The following CD163L1 variants were observed in gnomAD, a reference collection of about 807,000 sequenced individuals.
CD163L1 encodes scavenger receptor cysteine-rich type 1 protein M160.
Under a neutral mutation model 165.4 loss-of-function variants are expected in CD163L1, and 124 were observed. The ratio of observed to expected loss-of-function variants is 0.75; its 90% CI spans 0.65 to 0.87. CD163L1 has a LOEUF of 0.87. Among genes scored for constraint, CD163L1 ranks in the 40% least tolerant of loss-of-function variants. CD163L1 has a pLI of 0.00. For missense variants in CD163L1, 1,525 were observed against 1,799.9 expected, an observed-to-expected ratio of 0.85 and a Z score of 2.76; for synonymous variants, 585 against 662.2, an observed-to-expected ratio of 0.88 and a Z score of 1.79.
At chr12:7,355,162 C>T (rs765309030) in intron 19 of CD163L1, 32 bp from the exon 20 acceptor site, 20 of 152,206 alleles carry the variant, frequency 1.3e-4, no homozygotes, top group Admixed American at 1.3e-3. Flanking sequence ...CAACAAGTTA[C>T]TATTCTTCTA....
chr12:7,418,338 G>A (rs1012085123), intron 4 of CD163L1, among the ~76,000 whole-genome samples: 2 of 151,982 alleles, frequency 1.3e-5, no homozygotes, highest in African/African-American at 4.8e-5. Context: ...TGAACTGAAT[G>A]ATAATAGTCA....
chr12:7,352,106 A>G (rs1016491437), downstream of CD163L1, among the ~76,000 whole-genome samples: 1 of 152,136 alleles, frequency 6.6e-6, no homozygotes, highest in African/African-American at 2.4e-5. Context: ...TTAGCAATTG[A>G]TGGTATATGA....
chr12:7,364,435 C>A (rs1388640996), intron 18 of CD163L1, among the ~76,000 whole-genome samples: 2 of 152,026 alleles, frequency 1.3e-5, no homozygotes, highest in Non-Finnish European at 2.9e-5. Context: ...GAAGTCCCAG[C>A]CAGAGCAATT....
Position 7,375,293 on chromosome 12 carries a change from C to G in CD163L1, c.2989G>C (p.Val997Leu). 6.2e-7 allele frequency: 1 copy of G among 1,614,042 alleles called. No individual in the cohort carries two copies. The highest frequency in any genetic ancestry group is 8.5e-7 in the Non-Finnish European group (1 of 1,179,974). The change falls in exon 11 of 20, where the codon GTG becomes CTG. Residue 997 changes from valine to leucine, a missense_variant. Transcript: ENST00000313599. ...ACTATTCTCTTACCTGTGCAGATCA[C>G]AGAGACAGTATTTCCATGGATACAG... ...PPCIHGNTVS[V>L]ICTGSLTQPL...
rs200548297 is a variant in CD163L1 at position 7,374,498 on chromosome 12, C to T, written c.3353G>A (p.Arg1118His). 127 of 1,614,170 alleles carry T rather than the reference C, an allele frequency of 7.9e-5. No homozygotes were observed. The highest frequency in any genetic ancestry group is 3.3e-4 in the Middle Eastern group (2 of 6,062). The change falls in exon 13 of 20, where the codon CGC becomes CAC. Residue 1118 changes from arginine to histidine, a missense_variant. Arg to His is a conservative substitution (Grantham distance 29). Coordinates refer to ENST00000313599, the MANE Select transcript of CD163L1 (RefSeq NM_174941.6). This position sits in a 1 kb window ranked among gnomAD's most constrained non-coding sequence, Gnocchi z 5.4. ...MESHLWQCPS[R>H]GWGQHDCRHK... ...CCTGCAGTCGTGCTGCCCCCAGCCG[C>T]GGGAAGGGCACTGCCACAAGTGGGA...
chr12:7,333,637 G>A, the CD163L1 span, among the ~76,000 whole-genome samples: 1 of 152,126 alleles, frequency 6.6e-6, no homozygotes, highest in African/African-American at 2.4e-5. Flanking sequence ...AAATAACTAA[G>A]ATCAGAGCAG....
At chr12:7,330,248 T>C in the CD163L1 span, among the ~76,000 whole-genome samples, 475 of 152,322 alleles carry the variant, frequency 3.1e-3, 6 homozygotes, top group South Asian at 0.028. Context: ...AGGCTAAAAA[T>C]ATATTCCTAT....
At position 7,368,967 on chromosome 12, in the gene CD163L1, T is replaced by TGAGAGAGA. The variant is rs59576617; in HGVS notation, c.4040-10_4040-3dup. 11 of 1,543,192 alleles carry TGAGAGAGA rather than the reference T, an allele frequency of 7.1e-6. No homozygotes were observed. Among genetic ancestry groups the TGAGAGAGA allele is most frequent in the African/African-American group, 4.1e-5 (3 of 72,876 alleles). On this transcript the variant is annotated splice_region_variant and splice_polypyrimidine_tract_variant and intron_variant, in intron 15 of 19. Transcript: ENST00000313599. This position sits in a 1 kb window ranked among gnomAD's most constrained non-coding sequence, Gnocchi z 4.3. ...CATTCAGTGATTTCAGCGACTGTCC[T>TGAGAGAGA]GAGAGAGAGAGAGAGAGAGAGAGAC... is the stretch of plus-strand genomic sequence containing the variant.
At chr12:7,334,341 A>C in the CD163L1 span, among the ~76,000 whole-genome samples, 382 of 152,258 alleles carry the variant, frequency 2.5e-3, no homozygotes, top group African/African-American at 8.1e-3. Flanking sequence ...TCAACATACG[A>C]AAATCAATAA....
chr12:7,416,373 T>C (rs1020845936), intron 4 of CD163L1, among the ~76,000 whole-genome samples: 7 of 152,336 alleles, frequency 4.6e-5, no homozygotes, highest in Middle Eastern at 3.4e-3. Context: ...AGGTTGACTA[T>C]TCACTCTGAT....
Position 7,347,518 on chromosome 12 carries a change from G to A in CD163L1, c.*25-371C>T, listed in dbSNP as rs1213190866. 6.6e-6 allele frequency among the ~76,000 whole-genome samples: 1 copy of A among 152,114 alleles called. No individual in the cohort carries two copies. The highest frequency in any genetic ancestry group is 1.5e-5 in the Non-Finnish European group (1 of 68,036). ...GTCTCGGCCGGGCGCGGTGGCTCAC[G>A]CTTGTAATCCCAGCACTTTGGGAGG... On this transcript the variant is annotated intron_variant, in intron 4 of 4. Transcript: ENST00000539726. The surrounding 1 kb of genome is among the most constrained non-coding windows in gnomAD (Gnocchi z 4.2).
Position 7,406,605 on chromosome 12 carries a change from A to G in CD163L1, c.1014T>C (p.Leu338=). ...CGGTTCCGGAATGTCTGCAGTCCCA[A>G]AGAAAAGATTCATTACCGGAGCAGG... is the stretch of plus-strand genomic sequence containing the variant. The part of the protein sequence containing the change: ...GVSCSGNESF[L]WDCRHSGTVN... Residue 338 remains leucine (L), a synonymous_variant, in exon 5 of 20, where the codon CTT becomes CTC. Coordinates refer to ENST00000313599, the MANE Select transcript of CD163L1 (RefSeq NM_174941.6). 6.2e-7 allele frequency: 1 copy of G among 1,614,092 alleles called. No individual in the cohort carries two copies.
At position 7,396,856 on chromosome 12, in the gene CD163L1, C is replaced by G. The variant is rs28441252; in HGVS notation, c.1730-441G>C. Among the ~76,000 whole-genome samples, 1,168 of 116,990 alleles carry G rather than the reference C, an allele frequency of 1.0e-2. 8 individuals carry two copies. The highest frequency in any genetic ancestry group is 0.027 in the African/African-American group (986 of 36,746). 76.7% of individuals were successfully genotyped at this position (116,990 alleles called of 152,430 possible). A position where few individuals can be genotyped will look rare whatever the true frequency, so the allele number is the denominator to read the frequency against. ...ACATACATACATATGCACACACACACAGAGAGAGAGAGAGAGAAGAGAGGC... is the reference window on the plus strand; with the variant it reads ...ACATACATACATATGCACACACACAGAGAGAGAGAGAGAGAGAAGAGAGGC... On this transcript the variant is annotated intron_variant, in intron 7 of 19. Transcript: ENST00000313599.
Position 7,374,736 on chromosome 12 carries a change from C to G in CD163L1, c.3115G>C (p.Val1039Leu). 1 of 1,613,700 alleles carries G rather than the reference C, an allele frequency of 6.2e-7. No homozygotes were observed. Among genetic ancestry groups the G allele is most frequent in the Non-Finnish European group, 8.5e-7 (1 of 1,179,724 alleles). The change falls in exon 13 of 20, where the codon GTG becomes CTG. Residue 1039 changes from valine (V) to leucine (L), a missense_variant. Coordinates refer to ENST00000313599, the MANE Select transcript of CD163L1 (RefSeq NM_174941.6). This position sits in a 1 kb window ranked among gnomAD's most constrained non-coding sequence, Gnocchi z 5.4. Reference sequence around the variant, plus strand: ...CCGGCACAGCGGCTGTCCCCATCCACTAGGCGGAGCCGTTTGTCCTCTTAG... The same window carrying G: ...CCGGCACAGCGGCTGTCCCCATCCAGTAGGCGGAGCCGTTTGTCCTCTTAG... Reference protein sequence around the residue: ...ICLEDKRLRLVDGDSRCAGRV... With the variant: ...ICLEDKRLRLLDGDSRCAGRV...
chr12:7,398,537 A>C lies in CD163L1; in HGVS notation c.1456T>G (p.Tyr486Asp). The change falls in exon 7 of 20, where the codon TAT becomes GAT. Residue 486 changes from tyrosine (Y) to aspartate (D), a missense_variant. Physicochemically the swap from Tyr to Asp is radical, Grantham distance 160. Coordinates refer to ENST00000313599, the MANE Select transcript of CD163L1 (RefSeq NM_174941.6). The surrounding 1 kb of genome is among the most constrained non-coding windows in gnomAD (Gnocchi z 4.5). ...LRLVGAHSPCYGRLEVKYQGE... is the reference protein window; with the variant it reads ...LRLVGAHSPCDGRLEVKYQGE... ...TGGTATTTCACCTCCAATCTCCCAT[A>C]ACAGGGGCTATGAGCCCCGACAAGC... The C allele has an allele frequency of 6.2e-7, 1 of 1,610,094 alleles. No individual in the cohort carries two copies. Among genetic ancestry groups the C allele is most frequent in the Non-Finnish European group, 8.5e-7 (1 of 1,177,920 alleles).
chr12:7,374,826 C>T lies in CD163L1; in HGVS notation c.3094+5G>A. 6.2e-7 allele frequency: 1 copy of T among 1,614,182 alleles called. No homozygotes were observed. ...GCAGTGTTTCCTAAAACTGATTCTG[C>T]TTACCTAAGCAGATCAAAGCACTGC... On this transcript the variant is annotated splice_donor_5th_base_variant and intron_variant, in intron 12 of 19. Coordinates refer to ENST00000313599, the MANE Select transcript of CD163L1 (RefSeq NM_174941.6). This position sits in a 1 kb window ranked among gnomAD's most constrained non-coding sequence, Gnocchi z 5.4.
chr12:7,366,720 T>C (rs1203191823), intron 18 of CD163L1, among the ~76,000 whole-genome samples: 2 of 152,180 alleles, frequency 1.3e-5, no homozygotes, highest in African/African-American at 4.8e-5. Flanking sequence ...TGGTGTTCAT[T>C]GTATTGTCAC....
At chr12:7,376,408 T>A (rs559949976) in intron 9 of CD163L1, among the ~76,000 whole-genome samples, 2 of 152,194 alleles carry the variant, frequency 1.3e-5, no homozygotes, top group South Asian at 4.1e-4. Flanking sequence ...TCTAAATGAG[T>A]AATTTATAAA....
At chr12:7,365,072 C>A (rs1029808037) in intron 18 of CD163L1, among the ~76,000 whole-genome samples, 3 of 151,998 alleles carry the variant, frequency 2.0e-5, no homozygotes, top group Non-Finnish European at 2.9e-5. Context: ...AAAACAGACA[C>A]ATAAACCAGT....
Sources: gnomAD v4.1 joint callset for allele counts (sites outside exome capture counted in the v4.1 genomes callset) on GRCh38, gnomAD v4.1.1 for gene constraint, Gnocchi (gnomAD v3.1) non-coding constraint, MANE v1.5 for transcripts, NCBI Gene and HGNC (gene_info 2026-07-23, HGNC 2026-07-21) for gene names.